The following NOVA1 variants were observed in gnomAD, a reference collection of about 807,000 sequenced individuals.
NOVA1 encodes the protein NOVA alternative splicing regulator 1, also known as RNA-binding protein Nova-1.
In NOVA1, 7 loss-of-function variants were observed where a neutral mutation model predicts 38.0. That is an observed-to-expected ratio of 0.18 (90% CI 0.10 to 0.35). NOVA1 has a LOEUF of 0.35. Among genes scored for constraint, NOVA1 ranks in the 10% least tolerant of loss-of-function variants. NOVA1 has a pLI of 1.00. For synonymous variants in NOVA1, 270 were observed against 232.5 expected, an observed-to-expected ratio of 1.16 and a Z score of -1.47; for missense variants, 460 against 616.0, an observed-to-expected ratio of 0.75 and a Z score of 2.68.
chr14:26,480,225 C>CA lies in NOVA1; in HGVS notation c.281-83dup, dbSNP rs1016514287. 49 of 1,205,642 alleles carry CA rather than the reference C, an allele frequency of 4.1e-5. No homozygotes were observed. In the South Asian group the frequency reaches 4.7e-4, roughly 11 times the overall value. The allele number at this position is 1,205,642 out of a possible 1,614,324, so 74.7% of individuals were successfully genotyped here. On this transcript the variant is annotated intron_variant, in intron 2 of 4. Coordinates refer to ENST00000539517, the MANE Select transcript of NOVA1 (RefSeq NM_002515.3). ...ATGAAAAAGGATGATATCATAACGC[C>CA]AAAAAAATGTAAAATGCAGAACTCT...
chr14:26,595,939 C>T, intron 1 of NOVA1: 1 of 402,502 alleles, frequency 2.5e-6, no homozygotes. Context: ...GACAAACCTT[C>T]ACTTAACATA....
chr14:26,485,846 G>A (rs1414271170), intron 2 of NOVA1, among the ~76,000 whole-genome samples: 2 of 152,090 alleles, frequency 1.3e-5, no homozygotes, highest in Admixed American at 1.3e-4. Flanking sequence ...TTGGTTGGAT[G>A]AGTGACACTG....
chr14:26,513,999 T>A (rs1888281294), intron 2 of NOVA1, among the ~76,000 whole-genome samples: 1 of 151,772 alleles, frequency 6.6e-6, no homozygotes, highest in African/African-American at 2.4e-5. Flanking sequence ...TAATAATTTA[T>A]GAATGTAACA....
intron 2 of NOVA1, among the ~76,000 whole-genome samples, chr14:26,572,725 AGTGTGTGT>A (rs56021646): frequency 0.032 from 4,491 of 138,490 alleles, 106 homozygotes; most frequent in African/African-American, 0.069. Context: ...AAGGAACCGC[AGTGTGTGT>A]GTGTGTGTGT....
intron 2 of NOVA1, among the ~76,000 whole-genome samples, chr14:26,485,248 T>A (rs1885791915): frequency 6.6e-6 from 1 of 152,140 alleles, no homozygotes. Flanking sequence ...CTTGTCTGTA[T>A]TTTGAAACAT....
In NOVA1 at chr14:26,597,449, T is replaced by C; in HGVS notation, c.-13A>G. 2 of 1,284,738 alleles carry C rather than the reference T, an allele frequency of 1.6e-6. No individual in the cohort carries two copies. Among genetic ancestry groups the C allele is most frequent in the South Asian group, 3.7e-5 (1 of 27,086 alleles). 79.6% of individuals were successfully genotyped at this position (1,284,738 alleles called of 1,614,324 possible). The stretch of plus-strand genomic sequence containing the variant: ...CTGCCGCCATCATGTTTGCAGTTCC[T>C]GCCGCTGCTACCGGGAGAAGGTTCT... On this transcript the variant is annotated 5_prime_UTR_variant, in exon 1 of 5. Transcript: ENST00000539517.
At chr14:26,556,021 T>G (rs1891459654) in intron 2 of NOVA1, among the ~76,000 whole-genome samples, 1 of 152,144 alleles carries the variant, frequency 6.6e-6, no homozygotes. Flanking sequence ...TCTAAGTAAA[T>G]GACCTATTTC....
chr14:26,585,890 T>A (rs1041480096), intron 2 of NOVA1, among the ~76,000 whole-genome samples: 3 of 151,360 alleles, frequency 2.0e-5, no homozygotes, highest in Admixed American at 2.0e-4. Flanking sequence ...CTAAATTCAT[T>A]ATTAAAGTAA....
At chr14:26,565,724 C>G (rs1381208711) in intron 2 of NOVA1, among the ~76,000 whole-genome samples, 1 of 152,130 alleles carries the variant, frequency 6.6e-6, no homozygotes, top group Admixed American at 6.6e-5. Context: ...AAATCACCAA[C>G]AAATGGATAA....
intron 3 of NOVA1, among the ~76,000 whole-genome samples, chr14:26,478,348 G>T (rs1298540627): frequency 6.6e-6 from 1 of 151,450 alleles, no homozygotes; most frequent in Non-Finnish European, 1.5e-5. Flanking sequence ...ATTGTCAATG[G>T]TATCATACTA....
rs551953904 is a variant in NOVA1, at chr14:26,465,390, T to C, written c.519+6930A>G. 2.3e-3 allele frequency among the ~76,000 whole-genome samples: 355 copies of C among 152,226 alleles called. 1 individual carries two copies. The highest frequency in any genetic ancestry group is 3.8e-3 in the Non-Finnish European group (255 of 67,998). Reference sequence around the variant, plus strand: ...TTCACCATGTTGGCCAGGCTGGTCTTGAACTCCTGACTTCAAGTGATCCAC... The same window carrying C: ...TTCACCATGTTGGCCAGGCTGGTCTCGAACTCCTGACTTCAAGTGATCCAC... On this transcript the variant is annotated intron_variant, in intron 4 of 4. Coordinates refer to ENST00000539517, the MANE Select transcript of NOVA1 (RefSeq NM_002515.3).
At chr14:26,577,414 T>G (rs746558892) in intron 2 of NOVA1, among the ~76,000 whole-genome samples, 1 of 152,136 alleles carries the variant, frequency 6.6e-6, no homozygotes, top group African/African-American at 2.4e-5. Flanking sequence ...GTGAGCTTAG[T>G]CTGGTCAACC....
intron 2 of NOVA1, among the ~76,000 whole-genome samples, chr14:26,581,421 T>G (rs1893215323): frequency 6.6e-6 from 1 of 151,962 alleles, no homozygotes; most frequent in South Asian, 2.1e-4. Context: ...AAACAAAATC[T>G]TACAGGGCCA....
intron 4 of NOVA1, among the ~76,000 whole-genome samples, chr14:26,455,510 T>C (rs1006977352): frequency 6.6e-6 from 1 of 152,022 alleles, no homozygotes; most frequent in African/African-American, 2.4e-5. Context: ...AAAATTCTGT[T>C]CAAAATTCTT....
intron 2 of NOVA1, among the ~76,000 whole-genome samples, chr14:26,481,387 ACT>A (rs1270687467): frequency 6.6e-6 from 1 of 152,122 alleles, no homozygotes; most frequent in Non-Finnish European, 1.5e-5. Flanking sequence ...AGGAGTTTAT[ACT>A]GCTTTAAAGA....
chr14:26,529,309 T>C (rs941191145), intron 2 of NOVA1, among the ~76,000 whole-genome samples: 6 of 152,048 alleles, frequency 3.9e-5, no homozygotes, highest in Non-Finnish European at 7.4e-5. Flanking sequence ...AGCTAATTTT[T>C]GTATTTTTAG....
chr14:26,475,216 C>T (rs1884888086), intron 3 of NOVA1, among the ~76,000 whole-genome samples: 1 of 151,964 alleles, frequency 6.6e-6, no homozygotes, highest in African/African-American at 2.4e-5. Flanking sequence ...TTATTTTATA[C>T]AGACAGGGTC....
chr14:26,455,361 G>A (rs950225753), intron 4 of NOVA1, among the ~76,000 whole-genome samples: 4 of 152,018 alleles, frequency 2.6e-5, no homozygotes. Context: ...TACAAATATA[G>A]AATTGGCCAT....
At chr14:26,525,317 T>G (rs1889220341) in intron 2 of NOVA1, among the ~76,000 whole-genome samples, 2 of 152,140 alleles carry the variant, frequency 1.3e-5, no homozygotes, top group Admixed American at 1.3e-4. Flanking sequence ...ATCAACAAAT[T>G]ACTCTGCCAA....
Sources: allele counts gnomAD v4.1 joint callset (sites outside exome capture counted in the v4.1 genomes callset), GRCh38; gene constraint gnomAD v4.1.1; transcripts MANE v1.5; gene names NCBI Gene and HGNC (gene_info 2026-07-23, HGNC 2026-07-21).